The following SLC45A4 variants were observed in gnomAD, a reference collection of about 807,000 sequenced individuals.
SLC45A4 encodes the protein solute carrier family 45 member 4, also known as polyamine-transporter SLC45A4.
Under a neutral mutation model 63.7 loss-of-function variants are expected in SLC45A4, and 32 were observed. The ratio of observed to expected loss-of-function variants is 0.50; its 90% CI spans 0.38 to 0.67. The LOEUF (loss-of-function observed/expected upper bound fraction) is 0.67. Ranked by LOEUF, SLC45A4 falls within the 30% of genes least tolerant of loss-of-function variation. SLC45A4 has a pLI of 0.00. For missense variants in SLC45A4, 1,027 were observed against 1,157.7 expected (o/e 0.89, Z 1.64); for synonymous variants, 535 against 510.0 (o/e 1.05, Z -0.66).
chr8:141,290,242 TCA>T (rs1217265563), intron 1 of SLC45A4, among the ~76,000 whole-genome samples: 1 of 152,018 alleles, frequency 6.6e-6, no homozygotes, highest in Non-Finnish European at 1.5e-5. Context: ...GGCTGTGAGC[TCA>T]CCACACGTGC....
chr8:141,297,181 T>C (rs1830585025), intron 1 of SLC45A4, among the ~76,000 whole-genome samples: 1 of 152,034 alleles, frequency 6.6e-6, no homozygotes, highest in Non-Finnish European at 1.5e-5. Context: ...ACTTGGTGCT[T>C]CAGGAAGCAC....
rs1446500640 is a variant in SLC45A4, at chr8:141,211,456, C to G, written c.*116G>C. The G allele has an allele frequency of 1.3e-6, 2 of 1,592,814 alleles. No individual in the cohort carries two copies. The highest frequency in any genetic ancestry group is 2.7e-5 in the African/African-American group (2 of 74,128). Reference sequence around the variant, plus strand: ...ACCCCTGCAAATCACTGTCTTCTGCCCAGGCCCCCCGGACCAGCCTCCTCC... The same window carrying G: ...ACCCCTGCAAATCACTGTCTTCTGCGCAGGCCCCCCGGACCAGCCTCCTCC... On this transcript the variant is annotated 3_prime_UTR_variant, in exon 9 of 9. Transcript: ENST00000517878.
intron 2 of SLC45A4, among the ~76,000 whole-genome samples, chr8:141,242,121 C>G (rs925547143): frequency 6.6e-6 from 1 of 152,206 alleles, no homozygotes; most frequent in African/African-American, 2.4e-5. Context: ...CATCATTATA[C>G]GCACATTTAG....
rs1828769653 is a variant in SLC45A4 at position 141,256,270 on chromosome 8, G to C, written c.-400-1641C>G. Among the ~76,000 whole-genome samples the C allele has an allele frequency of 6.6e-6, 1 of 152,190 alleles. No homozygotes were observed. Among genetic ancestry groups the C allele is most frequent in the Non-Finnish European group, 1.5e-5 (1 of 68,044 alleles). Reference sequence around the variant, plus strand: ...GGGGTTCGGTTCAACTGAAGTGTTAGAGCCCCTAAAAACACACCTAAATGG... The same window carrying C: ...GGGGTTCGGTTCAACTGAAGTGTTACAGCCCCTAAAAACACACCTAAATGG... On this transcript the variant is annotated intron_variant, in intron 1 of 8. Coordinates refer to ENST00000517878, the MANE Select transcript of SLC45A4 (RefSeq NM_001286646.2). The surrounding 1 kb of genome is among the most constrained non-coding windows in gnomAD (Gnocchi z 4.3).
chr8:141,275,592 T>C (rs556798891), intron 1 of SLC45A4, among the ~76,000 whole-genome samples: 6 of 150,350 alleles, frequency 4.0e-5, no homozygotes, highest in Non-Finnish European at 7.4e-5. Context: ...CTGGGCAATA[T>C]AGTGAGACCC....
chr8:141,211,719 A>G (rs757458705), intron 8 of SLC45A4, 22 bp from the exon 9 acceptor site: 25 of 1,515,354 alleles, frequency 1.6e-5, no homozygotes, highest in Non-Finnish European at 2.1e-5. Context: ...AAATTTGATA[A>G]AAATATTTTA....
At chr8:141,272,669 C>A (rs1043782468) in intron 1 of SLC45A4, among the ~76,000 whole-genome samples, 2 of 152,196 alleles carry the variant, frequency 1.3e-5, no homozygotes, top group Admixed American at 6.5e-5. Flanking sequence ...GCCCTCACCC[C>A]CCCTACTCCT....
chr8:141,208,266 T>C lies in SLC45A4; in HGVS notation c.*3306A>G, dbSNP rs1350409541. 1.3e-5 allele frequency: 2 copies of C among 152,008 alleles called. No homozygotes were observed. The highest frequency in any genetic ancestry group is 2.1e-4 in the South Asian group (1 of 4,824). 9.4% of individuals were successfully genotyped at this position (152,008 alleles called of 1,614,324 possible). On this transcript the variant is annotated 3_prime_UTR_variant, in exon 9 of 9. Transcript: ENST00000517878. ...AACCATTAGCCATATAAGGGAACAG[T>C]TGGTATCTTTAAGAGTATTTTTCAA...
intron 1 of SLC45A4, among the ~76,000 whole-genome samples, chr8:141,302,371 C>T (rs1014195864): frequency 1.3e-5 from 2 of 151,882 alleles, no homozygotes; most frequent in Non-Finnish European, 2.9e-5. Flanking sequence ...ACCACCACCA[C>T]CACCACCACC....
At chr8:141,226,234 C>A (rs531722615) in intron 2 of SLC45A4, 1 of 152,324 alleles carries the variant, frequency 6.6e-6, no homozygotes, top group African/African-American at 2.4e-5. Context: ...CAAGTCTACA[C>A]GTCGGGACTG....
intron 1 of SLC45A4, among the ~76,000 whole-genome samples, chr8:141,277,382 A>G (rs1313905710): frequency 6.6e-6 from 1 of 152,262 alleles, no homozygotes; most frequent in East Asian, 1.9e-4. Context: ...AGGTTCATGA[A>G]GCTGACACAC....
intron 2 of SLC45A4, among the ~76,000 whole-genome samples, chr8:141,248,861 AC>A (rs1307116633): frequency 6.6e-6 from 1 of 151,662 alleles, no homozygotes; most frequent in Non-Finnish European, 1.5e-5. Flanking sequence ...TACAAAAAAT[AC>A]AAAAATTAGA....
At chr8:141,220,100 C>T (rs1781225558) in intron 3 of SLC45A4, among the ~76,000 whole-genome samples, 2 of 152,196 alleles carry the variant, frequency 1.3e-5, no homozygotes, top group Admixed American at 1.3e-4. Context: ...TGATGTTTTT[C>T]AAACAGAAAG....
At chr8:141,244,535 G>C (rs1032342946) in intron 2 of SLC45A4, among the ~76,000 whole-genome samples, 1 of 152,154 alleles carries the variant, frequency 6.6e-6, no homozygotes, top group Admixed American at 6.5e-5. Flanking sequence ...GGAACAACGG[G>C]TGGAAAGACA....
At chr8:141,291,132 A>T (rs1230864604) in intron 1 of SLC45A4, among the ~76,000 whole-genome samples, 3 of 152,150 alleles carry the variant, frequency 2.0e-5, no homozygotes, top group Non-Finnish European at 2.9e-5. Context: ...TGATCCACCC[A>T]CCTCAGCCTC....
intron 2 of SLC45A4, among the ~76,000 whole-genome samples, chr8:141,236,102 TCAAAAACAAAAA>T (rs200181564): frequency 0.013 from 1,903 of 152,210 alleles, 28 homozygotes; most frequent in African/African-American, 0.03. Flanking sequence ...AGACTCCGTC[TCAAAAACAAAAA>T]CAAAAACAAA....
At chr8:141,293,557 G>A (rs1830433778) in intron 1 of SLC45A4, among the ~76,000 whole-genome samples, 1 of 152,254 alleles carries the variant, frequency 6.6e-6, no homozygotes, top group African/African-American at 2.4e-5. Context: ...GTCTGCCTTT[G>A]AGCTTAGCTT....
intron 2 of SLC45A4, among the ~76,000 whole-genome samples, chr8:141,244,484 C>A (rs547687325): frequency 1.6e-4 from 24 of 152,160 alleles, no homozygotes; most frequent in Non-Finnish European, 3.4e-4. Flanking sequence ...GGACCTTGTC[C>A]TTAGGGGATG....
rs528729309 is a variant in SLC45A4 at position 141,259,042 on chromosome 8, C to T, written c.-400-4413G>A. 5.3e-5 allele frequency among the ~76,000 whole-genome samples: 8 copies of T among 152,274 alleles called. No homozygotes were observed. In the South Asian group the frequency reaches 1.4e-3, roughly 28 times the overall value. On this transcript the variant is annotated intron_variant, in intron 1 of 8. Coordinates refer to ENST00000517878, the MANE Select transcript of SLC45A4 (RefSeq NM_001286646.2). ...ACAGAAGGACAGAGTGGTGCAGGAG[C>T]GCTCCCTTGACATGGAAAGTCAGCT...
Sources: allele counts gnomAD v4.1 joint callset (sites outside exome capture counted in the v4.1 genomes callset), GRCh38; gene constraint gnomAD v4.1.1; non-coding constraint Gnocchi (gnomAD v3.1); transcripts MANE v1.5; gene names NCBI Gene and HGNC (gene_info 2026-07-23, HGNC 2026-07-21).